ROBO2: variants seen among roughly 807,000 people sequenced by gnomAD.
ROBO2 encodes the protein roundabout homolog 2.
ROBO2 carries 53 observed loss-of-function variants against 160.8 expected under a neutral mutation model. The observed-to-expected ratio is 0.33, with a 90% CI of 0.26 to 0.41. The LOEUF is 0.41. Ranked by LOEUF, ROBO2 falls within the 10% of genes least tolerant of loss-of-function variation. The pLI, the probability that ROBO2 is intolerant of heterozygous loss-of-function variation, is 1.00. For missense variants in ROBO2, 1,577 were observed against 1,722.4 expected, an observed-to-expected ratio of 0.92 and a Z score of 1.49; for synonymous variants, 664 against 611.7, an observed-to-expected ratio of 1.09 and a Z score of -1.26.
chr3:76,920,634 G>T (rs575812600), intron 2 of ROBO2, among the ~76,000 whole-genome samples: 2 of 152,298 alleles, frequency 1.3e-5, no homozygotes, highest in Admixed American at 6.5e-5. Context: ...GTCTTTCAAA[G>T]TTGTATCTTG....
chr3:77,614,941 A>G (rs1251794175), intron 21 of ROBO2, among the ~76,000 whole-genome samples: 1 of 152,068 alleles, frequency 6.6e-6, no homozygotes, highest in Non-Finnish European at 1.5e-5. Context: ...TGAACTCTTC[A>G]AATTCCTTTC....
At chr3:76,358,765 ATTTT>A (rs530339146) in intron 2 of ROBO2, among the ~76,000 whole-genome samples, 1 of 151,672 alleles carries the variant, frequency 6.6e-6, no homozygotes, top group African/African-American at 2.4e-5. Context: ...TGCTGTTTAA[ATTTT>A]TTTTATTTTA....
At chr3:76,755,454 T>C (rs1030440664) in intron 2 of ROBO2, among the ~76,000 whole-genome samples, 1 of 151,798 alleles carries the variant, frequency 6.6e-6, no homozygotes, top group Non-Finnish European at 1.5e-5. Flanking sequence ...AGGTCATAGA[T>C]GAAGATTTTT....
intron 2 of ROBO2, among the ~76,000 whole-genome samples, chr3:76,209,079 C>A (rs1470714362): frequency 1.3e-5 from 2 of 152,136 alleles, no homozygotes; most frequent in African/African-American, 4.8e-5. Flanking sequence ...ATGCACTCTT[C>A]CAGATTATCC....
At chr3:77,051,778 A>G (rs2065251234) in intron 1 of ROBO2, among the ~76,000 whole-genome samples, 1 of 152,200 alleles carries the variant, frequency 6.6e-6, no homozygotes, top group Non-Finnish European at 1.5e-5. Flanking sequence ...AGGTGCAAGG[A>G]TATACCTGGG....
intron 2 of ROBO2, among the ~76,000 whole-genome samples, chr3:76,331,105 T>C (rs6801974): frequency 2.0e-5 from 3 of 152,210 alleles, no homozygotes; most frequent in African/African-American, 7.2e-5. Flanking sequence ...GATTTTTTAA[T>C]AAGTGTTTTG....
intron 2 of ROBO2, among the ~76,000 whole-genome samples, chr3:76,455,055 T>A (rs1034647189): frequency 1.3e-5 from 2 of 152,176 alleles, no homozygotes; most frequent in African/African-American, 4.8e-5. Flanking sequence ...TTTTCTTTAC[T>A]AAATGACTTA....
At chr3:76,153,751 T>A (rs1029989988) in intron 2 of ROBO2, among the ~76,000 whole-genome samples, 1 of 152,134 alleles carries the variant, frequency 6.6e-6, no homozygotes, top group African/African-American at 2.4e-5. Context: ...CTATGTCATC[T>A]AGAACTCAAG....
chr3:77,173,488 G>A (rs1226357934), intron 2 of ROBO2, among the ~76,000 whole-genome samples: 1 of 151,972 alleles, frequency 6.6e-6, no homozygotes, highest in African/African-American at 2.4e-5. Context: ...ATGATGCAAA[G>A]ACTTTCAGAT....
At chr3:76,135,095 A>C (rs2071380084) in intron 2 of ROBO2, among the ~76,000 whole-genome samples, 1 of 151,926 alleles carries the variant, frequency 6.6e-6, no homozygotes, top group South Asian at 2.1e-4. Flanking sequence ...TCCAGCTGGT[A>C]GGAAGGGGCA....
chr3:76,020,991 T>C (rs2066559146), intron 2 of ROBO2, among the ~76,000 whole-genome samples: 1 of 151,880 alleles, frequency 6.6e-6, no homozygotes, highest in Admixed American at 6.6e-5. Flanking sequence ...TATGTTTTAC[T>C]GAATGCACTT....
chr3:76,831,213 G>A (rs559934237), intron 2 of ROBO2, among the ~76,000 whole-genome samples: 12 of 152,032 alleles, frequency 7.9e-5, no homozygotes, highest in Non-Finnish European at 1.3e-4. Flanking sequence ...ATCCTGATGG[G>A]TCCATACGAG....
At chr3:76,036,099 G>C (rs2067096417) in intron 2 of ROBO2, among the ~76,000 whole-genome samples, 1 of 151,810 alleles carries the variant, frequency 6.6e-6, no homozygotes, top group African/African-American at 2.4e-5. Context: ...ACATTTCTTT[G>C]GTGTAGGGAT....
chr3:76,252,715 C>G (rs1489179038), intron 2 of ROBO2, among the ~76,000 whole-genome samples: 1 of 151,306 alleles, frequency 6.6e-6, no homozygotes, highest in Non-Finnish European at 1.5e-5. Flanking sequence ...TATATATACA[C>G]ACACTCACAT....
At chr3:77,065,547 G>A (rs1182906311) in intron 1 of ROBO2, among the ~76,000 whole-genome samples, 1 of 152,008 alleles carries the variant, frequency 6.6e-6, no homozygotes, top group Non-Finnish European at 1.5e-5. Flanking sequence ...TTGAGTATTG[G>A]TGATCAAGAT....
intron 2 of ROBO2, among the ~76,000 whole-genome samples, chr3:76,287,694 C>A (rs1708579045): frequency 6.6e-6 from 1 of 152,194 alleles, no homozygotes; most frequent in East Asian, 1.9e-4. Flanking sequence ...GCCACACTGT[C>A]TATGTTAGAA....
chr3:76,928,618 G>A (rs756727740), intron 2 of ROBO2, among the ~76,000 whole-genome samples: 4 of 151,836 alleles, frequency 2.6e-5, no homozygotes, highest in Non-Finnish European at 1.5e-5. Flanking sequence ...CATATTGTCC[G>A]ACTCCATCCT....
At chr3:76,335,668 C>T (rs1576504091) in intron 2 of ROBO2, among the ~76,000 whole-genome samples, 1 of 151,988 alleles carries the variant, frequency 6.6e-6, no homozygotes, top group South Asian at 2.1e-4. Flanking sequence ...AGCTCCACCT[C>T]CCGGGTTCAC....
intron 2 of ROBO2, among the ~76,000 whole-genome samples, chr3:76,610,366 C>G (rs1042131518): frequency 1.3e-5 from 2 of 152,156 alleles, no homozygotes; most frequent in African/African-American, 2.4e-5. Flanking sequence ...ATCCCCTGCC[C>G]GTATCCTGCA....
Sources: gnomAD v4.1 joint callset for allele counts (sites outside exome capture counted in the v4.1 genomes callset) on GRCh38, gnomAD v4.1.1 for gene constraint, MANE v1.5 for transcripts, NCBI Gene and HGNC (gene_info 2026-07-23, HGNC 2026-07-21) for gene names.